Variants in TTC33 observed in about 807,000 individuals in gnomAD.
The protein encoded by TTC33 is tetratricopeptide repeat protein 33.
Under a neutral mutation model 29.4 loss-of-function variants are expected in TTC33, and 24 were observed. That is an observed-to-expected ratio of 0.82 (90% CI 0.59 to 1.15). TTC33 has a LOEUF of 1.15. TTC33 is among the 50% of genes most tolerant of loss of function. TTC33 has a pLI of 0.00. For synonymous variants in TTC33, 107 were observed against 100.3 expected (o/e 1.07, Z -0.40); for missense variants, 286 against 310.4 (o/e 0.92, Z 0.59).
chr5:40,728,243 C>A (rs1189629106), intron 4 of TTC33, 102 bp downstream of exon 4: 15 of 974,304 alleles, frequency 1.5e-5, no homozygotes, highest in Non-Finnish European at 2.1e-5. Flanking sequence ...GAGATTGCAC[C>A]ACTGCACTGT....
chr5:40,722,800 C>T (rs1280983715), intron 4 of TTC33, among the ~76,000 whole-genome samples: 15 of 150,920 alleles, frequency 9.9e-5, no homozygotes, highest in East Asian at 2.0e-4. Flanking sequence ...CCCAGCCAGC[C>T]GCCCATCCGG....
At chr5:40,723,887 A>G (rs1742217113) in intron 4 of TTC33, among the ~76,000 whole-genome samples, 1 of 152,148 alleles carries the variant, frequency 6.6e-6, no homozygotes, top group African/African-American at 2.4e-5. Context: ...ACAAACAAAA[A>G]GGCAAGATGT....
chr5:40,751,961 G>GA (rs61319403), intron 1 of TTC33, among the ~76,000 whole-genome samples: 49 of 126,940 alleles, frequency 3.9e-4, no homozygotes, highest in Admixed American at 4.7e-4. Context: ...CGTCTCAAAA[G>GA]AAAAAAAAAA....
intron 2 of TTC33, among the ~76,000 whole-genome samples, chr5:40,737,803 G>C (rs545309203): frequency 3.9e-5 from 6 of 152,186 alleles, no homozygotes; most frequent in African/African-American, 1.4e-4. Flanking sequence ...GGATTAATTT[G>C]TCTTTAGACA....
chr5:40,721,682 A>AAAAACAAAAC (rs139979277), intron 4 of TTC33, among the ~76,000 whole-genome samples: 1 of 151,798 alleles, frequency 6.6e-6, no homozygotes, highest in Non-Finnish European at 1.5e-5. Context: ...CAAAAAAAAC[A>AAAAACAAAAC]AAAACAAAAC....
At chr5:40,747,970 C>T (rs1208116790) in intron 1 of TTC33, among the ~76,000 whole-genome samples, 1 of 151,686 alleles carries the variant, frequency 6.6e-6, no homozygotes, top group Non-Finnish European at 1.5e-5. Flanking sequence ...GGATTATAGG[C>T]AGGCACCACC....
intron 4 of TTC33, among the ~76,000 whole-genome samples, chr5:40,721,614 C>T (rs1267366573): frequency 1.3e-5 from 2 of 151,858 alleles, no homozygotes; most frequent in African/African-American, 4.8e-5. Flanking sequence ...ACTCCAAGTG[C>T]ATTAAAGACT....
chr5:40,723,600 C>CA (rs993046330), intron 4 of TTC33, among the ~76,000 whole-genome samples: 4 of 151,918 alleles, frequency 2.6e-5, no homozygotes, highest in African/African-American at 9.7e-5. Context: ...TGCGGTGACT[C>CA]ACACCTATAA....
At chr5:40,750,081 C>G (rs930299344) in intron 1 of TTC33, among the ~76,000 whole-genome samples, 14 of 100,132 alleles carry the variant, frequency 1.4e-4, no homozygotes, top group Non-Finnish European at 2.9e-4. Flanking sequence ...GAGCGAAACT[C>G]CATCTCAAAA....
chr5:40,713,553 T>C lies in TTC33; in HGVS notation c.*2592A>G, dbSNP rs182730922. On this transcript the variant is annotated 3_prime_UTR_variant, in exon 5 of 5. Transcript: ENST00000337702. ...AACTTGCATGGCTTTTCAATGTTTATGTAGTGTCTGTTAATATATTTAAGA... is the reference window on the plus strand; with the variant it reads ...AACTTGCATGGCTTTTCAATGTTTACGTAGTGTCTGTTAATATATTTAAGA... Among the ~76,000 whole-genome samples, 67 of 152,286 alleles carry C rather than the reference T, an allele frequency of 4.4e-4. No homozygotes were observed. In the East Asian group the frequency reaches 9.2e-3, roughly 21 times the overall value.
chr5:40,716,266 T>C lies in TTC33; in HGVS notation c.668A>G (p.Lys223Arg). ...CATTGTTTTATTTGCTGAAACTGTC[T>C]TCTCTTTCTCAGCAATAGCTGCACA... Reference protein sequence around the residue: ...AVCAAIAEKEKTVSANKTMVI... With the variant: ...AVCAAIAEKERTVSANKTMVI... The change falls in exon 5 of 5, where the codon AAG becomes AGG. Residue 223 changes from lysine (K) to arginine (R), a missense_variant. Coordinates refer to ENST00000337702, the MANE Select transcript of TTC33 (RefSeq NM_012382.3). The C allele has an allele frequency of 6.2e-7, 1 of 1,614,242 alleles. No individual in the cohort carries two copies. The highest frequency in any genetic ancestry group is 8.5e-7 in the Non-Finnish European group (1 of 1,180,048).
At position 40,716,278 on chromosome 5, in the gene TTC33, G is replaced by A; in HGVS notation, c.656C>T (p.Ala219Val). ...DEIVAVCAAI[A>V]EKEKTVSANK... ...TGCTGAAACTGTCTTCTCTTTCTCA[G>A]CAATAGCTGCACAAACAGCAACAAT... Residue 219 changes from alanine (A) to valine (V), a missense_variant, in exon 5 of 5, where the codon GCT becomes GTT. Transcript: ENST00000337702. 6.2e-7 allele frequency: 1 copy of A among 1,614,144 alleles called. No homozygotes were observed. The highest frequency in any genetic ancestry group is 2.2e-5 in the East Asian group (1 of 44,868).
chr5:40,741,393 C>T (rs1032816949), intron 2 of TTC33, among the ~76,000 whole-genome samples: 7 of 152,304 alleles, frequency 4.6e-5, no homozygotes, highest in African/African-American at 1.2e-4. Flanking sequence ...AATAGCTCTC[C>T]GCTCTGTATG....
chr5:40,749,355 T>C (rs983586064), intron 1 of TTC33, among the ~76,000 whole-genome samples: 1 of 152,180 alleles, frequency 6.6e-6, no homozygotes, highest in African/African-American at 2.4e-5. Context: ...TGTGTACATT[T>C]TGGAGAATAG....
chr5:40,728,963 G>GTAGGGT (rs944443181), intron 3 of TTC33, among the ~76,000 whole-genome samples: 4 of 152,232 alleles, frequency 2.6e-5, no homozygotes, highest in Middle Eastern at 3.4e-3. Context: ...TACTAGGAAG[G>GTAGGGT]TAGGGTTAGG....
chr5:40,737,098 T>C (rs4957142), intron 2 of TTC33, among the ~76,000 whole-genome samples: 145,014 of 152,212 alleles, frequency 0.95, 69,462 homozygotes, highest in East Asian at 1. Context: ...GAGTTCAAGA[T>C]CAGCCTGGGC....
chr5:40,724,443 G>A (rs1270373306), intron 4 of TTC33, among the ~76,000 whole-genome samples: 1 of 151,982 alleles, frequency 6.6e-6, no homozygotes, highest in African/African-American at 2.4e-5. Context: ...GACCAGCCTG[G>A]CCAACACGGT....
chr5:40,749,164 G>A (rs1294032610), intron 1 of TTC33, among the ~76,000 whole-genome samples: 1 of 152,054 alleles, frequency 6.6e-6, no homozygotes. Context: ...ACAAATGTAA[G>A]AAATAAAGAG....
chr5:40,720,389 C>G (rs1310433441), intron 4 of TTC33, among the ~76,000 whole-genome samples: 1 of 152,114 alleles, frequency 6.6e-6, no homozygotes, highest in Non-Finnish European at 1.5e-5. Flanking sequence ...CAGTTCTATC[C>G]CACTGATCTA....
Sources: gnomAD v4.1 joint callset for allele counts (sites outside exome capture counted in the v4.1 genomes callset) on GRCh38, gnomAD v4.1.1 for gene constraint, MANE v1.5 for transcripts, NCBI Gene and HGNC (gene_info 2026-07-23, HGNC 2026-07-21) for gene names.